BIRC6: variants seen among roughly 807,000 people sequenced by gnomAD.
BIRC6 encodes the protein baculoviral IAP repeat containing 6.
BIRC6 carries 98 observed loss-of-function variants against 503.3 expected under a neutral mutation model. The observed-to-expected ratio is 0.19, with a 90% CI of 0.17 to 0.23. BIRC6 has a LOEUF of 0.23. BIRC6 is among the 10% of genes least tolerant of loss of function. BIRC6 has a pLI of 1.00. For missense variants in BIRC6, 5,360 were observed against 5,806.0 expected (o/e 0.92, Z 2.50); for synonymous variants, 2,240 against 2,078.7 (o/e 1.08, Z -2.11).
At chr2:32,397,347 C>T (rs2040015778) in intron 6 of BIRC6, among the ~76,000 whole-genome samples, 1 of 151,880 alleles carries the variant, frequency 6.6e-6, no homozygotes, top group African/African-American at 2.4e-5. Flanking sequence ...TGGTGTGCAC[C>T]TGTAATTCCA....
At chr2:32,436,327 C>A in intron 15 of BIRC6, 143 bp downstream of exon 15, 1 of 669,578 alleles carries the variant, frequency 1.5e-6, no homozygotes, top group Non-Finnish European at 2.2e-6. Context: ...TAGCTGAGGT[C>A]ATTTCCTGTC....
intron 23 of BIRC6, among the ~76,000 whole-genome samples, chr2:32,461,004 TCTC>T (rs1306887348): frequency 9.9e-5 from 2 of 20,282 alleles, no homozygotes; most frequent in Admixed American, 5.1e-4. Flanking sequence ...TCTGCTCTCT[TCTC>T]TTCTCTTCTC....
At chr2:32,549,072 G>T (rs1014055147) in intron 64 of BIRC6, 1 of 299,880 alleles carries the variant, frequency 3.3e-6, no homozygotes, top group African/African-American at 2.2e-5. Flanking sequence ...TATGTTCGTA[G>T]TTGTATTGCT....
Position 32,465,072 on chromosome 2 carries a change from T to C in BIRC6, c.5264T>C (p.Leu1755Pro), listed in dbSNP as rs772983061. ...TTTTTTTCCCTGCTCTAGAATCCAC[T>C]TGGTTCTGGTCTAGCCCTTGCAATT... ...KNSNKSRMNP[L>P]GSGLALAISH... Residue 1755 changes from leucine (L) to proline (P), a missense_variant, in exon 26 of 74, where the codon CTT becomes CCT. Physicochemically the swap from Leu to Pro is moderately conservative, Grantham distance 98 (BLOSUM62 -3). Around this residue, in one of 16 missense-constraint regions of BIRC6, gnomAD observed 2,299 missense variants for 2,267.2 expected, o/e 1.01. Transcript: ENST00000421745. 6.3e-7 allele frequency: 1 copy of C among 1,588,112 alleles called. No individual in the cohort carries two copies. Among genetic ancestry groups the C allele is most frequent in the Non-Finnish European group, 8.6e-7 (1 of 1,164,534 alleles).
In BIRC6 at chr2:32,524,999, A is replaced by G; in HGVS notation, c.11735A>G (p.Tyr3912Cys). 1.3e-6 allele frequency: 2 copies of G among 1,569,744 alleles called. No homozygotes were observed. The highest frequency in any genetic ancestry group is 1.7e-6 in the Non-Finnish European group (2 of 1,161,340). ...GCGGAAAATGGATTTCAAGACAATT[A>G]CAGTGTTGTTGTTGCCTCTGGTATG... ...VKAENGFQDN[Y>C]SVVVASGLKS... The change falls in exon 58 of 74, where the codon TAC becomes TGC. Residue 3912 changes from tyrosine to cysteine, a missense_variant. Transcript: ENST00000421745.
intron 66 of BIRC6, among the ~76,000 whole-genome samples, chr2:32,577,725 ATCT>A (rs1287186756): frequency 2.0e-5 from 3 of 152,204 alleles, no homozygotes; most frequent in Admixed American, 6.5e-5. Context: ...TGAGAAAGGA[ATCT>A]TCTTTATAAA....
At chr2:32,530,792 T>C (rs753249974) in intron 60 of BIRC6, among the ~76,000 whole-genome samples, 1 of 152,204 alleles carries the variant, frequency 6.6e-6, no homozygotes. Context: ...TTCAGCACGA[T>C]TATTTCTCTC....
intron 1 of BIRC6, among the ~76,000 whole-genome samples, chr2:32,376,693 T>A (rs541236548): frequency 7.2e-5 from 11 of 152,330 alleles, no homozygotes; most frequent in African/African-American, 2.6e-4. Flanking sequence ...AGTGGTCTCA[T>A]GCTGTTCAAA....
At chr2:32,519,238 T>G in intron 57 of BIRC6, 1 of 263,998 alleles carries the variant, frequency 3.8e-6, no homozygotes, top group Non-Finnish European at 7.4e-6. Flanking sequence ...CTGGTCATTT[T>G]ATACTAGATT....
chr2:32,425,493 G>A (rs2043388889), intron 10 of BIRC6, among the ~76,000 whole-genome samples: 1 of 122,228 alleles, frequency 8.2e-6, no homozygotes, highest in African/African-American at 3.2e-5. Context: ...TGAGTGCTTT[G>A]TAATTTTTTG....
rs775631219 is a variant in BIRC6 at position 32,479,598 on chromosome 2, T to C, written c.7389T>C (p.Pro2463=). ...AGTTGCTGGAAACTATAGATGAACC[T>C]TTGACACATGACATAACAGGTAAAG... ...SVQLLETIDE[P]LTHDITGAPP... Residue 2463 remains proline, a synonymous_variant, in exon 37 of 74, where the codon CCT becomes CCC. Coordinates refer to ENST00000421745, the MANE Select transcript of BIRC6 (RefSeq NM_016252.4). The C allele has an allele frequency of 1.2e-6, 2 of 1,608,186 alleles. No homozygotes were observed. Among genetic ancestry groups the C allele is most frequent in the African/African-American group, 2.7e-5 (2 of 74,842 alleles).
intron 57 of BIRC6, chr2:32,522,751 C>G (rs2055863278): frequency 6.6e-6 from 1 of 152,228 alleles, no homozygotes; most frequent in Non-Finnish European, 1.5e-5. Flanking sequence ...GCTTGCCCTG[C>G]TACTTTTCGA....
At position 32,482,429 on chromosome 2, in the gene BIRC6, C is replaced by A; in HGVS notation, c.7543C>A (p.Pro2515Thr). ...KDPLAAKVFK[P>T]ISSTWYDYWG... ...ACAGTTTTTTTTCCATTCTTTTAAG[C>A]CAATAAGCAGTACATGGTATGATTA... The change falls in exon 39 of 74, where the codon CCA becomes ACA. Residue 2515 changes from proline to threonine, a missense_variant and splice_region_variant. This residue lies in a region of BIRC6 where 2,299 missense variants were observed against 2,267.2 expected (regional missense o/e 1.01). Coordinates refer to ENST00000421745, the MANE Select transcript of BIRC6 (RefSeq NM_016252.4). 1 of 1,609,870 alleles carries A rather than the reference C, an allele frequency of 6.2e-7. No individual in the cohort carries two copies. The highest frequency in any genetic ancestry group is 8.5e-7 in the Non-Finnish European group (1 of 1,178,012).
chr2:32,431,964 A>G (rs1034315615), intron 12 of BIRC6, among the ~76,000 whole-genome samples: 2 of 152,242 alleles, frequency 1.3e-5, no homozygotes, highest in African/African-American at 4.8e-5. Flanking sequence ...GACAATGTGT[A>G]TGGTATTTTC....
chr2:32,384,669 G>T (rs2038185667), intron 3 of BIRC6, among the ~76,000 whole-genome samples: 1 of 152,182 alleles, frequency 6.6e-6, no homozygotes, highest in South Asian at 2.1e-4. Context: ...CTGTTTGGCA[G>T]ATTAGGCAAT....
intron 12 of BIRC6, among the ~76,000 whole-genome samples, chr2:32,432,718 C>A (rs369807681): frequency 1.3e-5 from 2 of 151,318 alleles, no homozygotes; most frequent in African/African-American, 4.9e-5. Context: ...CGTGATTGTG[C>A]CACTGTACTC....
intron 23 of BIRC6, among the ~76,000 whole-genome samples, chr2:32,460,202 CAT>C (rs1386356360): frequency 3.1e-5 from 3 of 98,152 alleles, no homozygotes; most frequent in South Asian, 3.3e-4. Context: ...TGATATATAT[CAT>C]ATATGATATA....
intron 1 of BIRC6, among the ~76,000 whole-genome samples, chr2:32,372,717 C>T (rs2036159457): frequency 6.6e-6 from 1 of 151,998 alleles, no homozygotes; most frequent in South Asian, 2.1e-4. Context: ...GTAGTCCCAG[C>T]TACTTGGGAG....
chr2:32,449,614 C>T (rs1038846433), intron 22 of BIRC6, among the ~76,000 whole-genome samples: 1 of 151,778 alleles, frequency 6.6e-6, no homozygotes, highest in East Asian at 1.9e-4. Context: ...AAGGTAATAA[C>T]CAGATATAAG....
Sources: gnomAD v4.1 joint callset for allele counts (sites outside exome capture counted in the v4.1 genomes callset) on GRCh38, gnomAD v4.1.1 for gene constraint, gnomAD v4.1.1 regional missense constraint, MANE v1.5 for transcripts, NCBI Gene and HGNC (gene_info 2026-07-23, HGNC 2026-07-21) for gene names.